Variants in DST observed in about 807,000 individuals in gnomAD.
The protein encoded by DST is bullous pemphigoid antigen.
DST carries 253 observed loss-of-function variants against 875.2 expected under a neutral mutation model. That is an observed-to-expected ratio of 0.29 (90% CI 0.26 to 0.32). DST has a LOEUF of 0.32. DST is among the 10% of genes least tolerant of loss of function. The probability of loss-of-function intolerance (pLI) is 1.00; values close to 1 mark genes in which losing one functional copy is unlikely to be tolerated. For synonymous variants in DST, 3,124 were observed against 3,197.1 expected, an observed-to-expected ratio of 0.98 and a Z score of 0.77; for missense variants, 8,287 against 9,111.6, an observed-to-expected ratio of 0.91 and a Z score of 3.68.
chr6:56,606,228 G>C lies in DST; in HGVS notation c.8400C>G (p.Asp2800Glu), dbSNP rs767954802. Residue 2800 changes from aspartate to glutamate, a missense_variant, in exon 40 of 104, where the codon GAC (aspartate) becomes GAG (glutamate). Coordinates refer to ENST00000680361, the MANE Select transcript of DST (RefSeq NM_001374736.1). Reference sequence around the variant, plus strand: ...CATCATCGTCATCCTGATCATTACTGTCATATATATAATCCCCATAACTTT... The same window carrying C: ...CATCATCGTCATCCTGATCATTACTCTCATATATATAATCCCCATAACTTT... ...SEESYGDYIY[D>E]SNDQDDDDDD... is the part of the protein sequence containing the mutation. 1.9e-6 allele frequency: 3 copies of C among 1,566,854 alleles called. No homozygotes were observed. In the African/African-American group the frequency reaches 4.1e-5, roughly 21 times the overall value.
intron 22 of DST, 101 bp downstream of exon 22, chr6:56,639,158 G>A: frequency 1.9e-6 from 2 of 1,038,068 alleles, no homozygotes; most frequent in Non-Finnish European, 2.9e-6. Flanking sequence ...TTTAATAAAA[G>A]TTAGATGGCT....
intron 3 of DST, chr6:56,871,183 C>A: frequency 1.4e-6 from 1 of 740,242 alleles, no homozygotes; most frequent in Non-Finnish European, 2.5e-6. Flanking sequence ...CTGAGGTAGT[C>A]TGTGAAAATG....
chr6:56,892,794 AAT>A (rs1191318997), intron 3 of DST, among the ~76,000 whole-genome samples: 2 of 152,174 alleles, frequency 1.3e-5, no homozygotes, highest in Non-Finnish European at 2.9e-5. Context: ...TCACTCAGTC[AAT>A]AGTATTCACT....
At position 56,893,071 on chromosome 6, in the gene DST, G is replaced by A. The variant is rs142964596; in HGVS notation, c.417+7350C>T. 6.6e-5 allele frequency among the ~76,000 whole-genome samples: 10 copies of A among 152,214 alleles called. No homozygotes were observed. The East Asian group carries it at 1.7e-3, about 26-fold the overall frequency. On this transcript the variant is annotated intron_variant, in intron 3 of 103. Transcript: ENST00000680361. ...TTTGGTTACATGAGTAAGTTCTTTA[G>A]TGGTGATTTGTGAGATTTTGGTGCA...
chr6:56,542,051 T>C lies in DST; in HGVS notation c.16609-5111A>G, dbSNP rs2097135631. On this transcript the variant is annotated intron_variant, in intron 61 of 103. Coordinates refer to ENST00000680361, the MANE Select transcript of DST (RefSeq NM_001374736.1). ...ATTTCGGCAGAGCTCTGGTTAACTG[T>C]AATCCACTTAAAGATGGCTTGCAGA... Among the ~76,000 whole-genome samples the C allele has an allele frequency of 2.0e-5, 3 of 152,338 alleles. No homozygotes were observed. The South Asian group carries it at 6.2e-4, about 32-fold the overall frequency.
chr6:56,583,858 T>C (rs144524355), intron 49 of DST, among the ~76,000 whole-genome samples: 7,218 of 152,296 alleles, frequency 0.047, 526 homozygotes, highest in African/African-American at 0.16. Context: ...TAGGGAATCC[T>C]TTCCCCATTG....
intron 2 of DST, among the ~76,000 whole-genome samples, chr6:56,937,062 C>A (rs1386811565): frequency 6.6e-6 from 1 of 151,450 alleles, no homozygotes; most frequent in Non-Finnish European, 1.5e-5. Flanking sequence ...AGAACCAAAA[C>A]TAAATTGCCT....
At chr6:56,612,404 T>A (rs999083917) in intron 37 of DST, among the ~76,000 whole-genome samples, 6 of 152,110 alleles carry the variant, frequency 3.9e-5, no homozygotes, top group Non-Finnish European at 7.4e-5. Context: ...AAAGAACAAA[T>A]AATTTCTAAT....
chr6:56,530,155 A>G (rs1040384570), intron 64 of DST, 22 bp from the exon 65 acceptor site: 1 of 1,538,620 alleles, frequency 6.5e-7, no homozygotes, highest in African/African-American at 1.4e-5. Flanking sequence ...CCAAAAGGTC[A>G]TTTAGGGATG....
chr6:56,629,512 T>C, intron 31 of DST, 69 bp from the exon 32 acceptor site: 9 of 1,150,094 alleles, frequency 7.8e-6, no homozygotes, highest in African/African-American at 1.5e-5. Context: ...ATTATTTACC[T>C]AATTTTACAA....
intron 36 of DST, chr6:56,617,450 C>A: frequency 6.5e-7 from 1 of 1,528,326 alleles, no homozygotes; most frequent in South Asian, 1.1e-5. Flanking sequence ...TGTTAAAAGT[C>A]ACCTCAAGAA....
At chr6:56,810,906 G>T (rs2099759121) in intron 4 of DST, among the ~76,000 whole-genome samples, 2 of 152,092 alleles carry the variant, frequency 1.3e-5, no homozygotes, top group African/African-American at 4.8e-5. Flanking sequence ...GGGAAGCTGG[G>T]TATGGTGACT....
At chr6:56,499,127 G>A (rs920816288) in intron 80 of DST, among the ~76,000 whole-genome samples, 9 of 152,042 alleles carry the variant, frequency 5.9e-5, no homozygotes, top group Non-Finnish European at 1.0e-4. Flanking sequence ...TCCCTCTAAT[G>A]TTGGTAAAAG....
rs116289527 is a variant in DST at position 56,707,892 on chromosome 6, G to A, written c.688-3523C>T. Among the ~76,000 whole-genome samples the A allele has an allele frequency of 2.1e-3, 319 of 152,326 alleles. 1 individual carries two copies. The highest frequency in any genetic ancestry group is 7.2e-3 in the African/African-American group (298 of 41,568). ...AAATCTAAACTAGGAAAAGATGGCC[G>A]GGTGTGGTGGCTCACGCCTGTAATC... On this transcript the variant is annotated intron_variant, in intron 5 of 103. Transcript: ENST00000680361.
At chr6:56,648,482 T>C in intron 13 of DST, 88 bp downstream of exon 13, 1 of 1,333,788 alleles carries the variant, frequency 7.5e-7, no homozygotes, top group Non-Finnish European at 9.9e-7. Flanking sequence ...CAACTTTTGT[T>C]GAACTTCTAA....
At chr6:56,634,996 T>C (rs2098812196) in intron 24 of DST, 43 bp from the exon 25 acceptor site, 3 of 1,493,786 alleles carry the variant, frequency 2.0e-6, no homozygotes, top group Admixed American at 3.4e-5. Context: ...AAAAGACTTG[T>C]ACTCTCCATG....
At chr6:56,652,349 C>A (rs144585552) in intron 10 of DST, among the ~76,000 whole-genome samples, 47 of 152,256 alleles carry the variant, frequency 3.1e-4, no homozygotes, top group African/African-American at 1.1e-3. Flanking sequence ...ACTACCGGAA[C>A]AATGTGGAAA....
chr6:56,796,108 A>C (rs1289353954), intron 4 of DST, among the ~76,000 whole-genome samples: 1 of 152,226 alleles, frequency 6.6e-6, no homozygotes, highest in Non-Finnish European at 1.5e-5. Flanking sequence ...AGAACGAAAC[A>C]GAACAGCTCA....
intron 71 of DST, among the ~76,000 whole-genome samples, chr6:56,516,083 T>C (rs981619265): frequency 1.3e-5 from 2 of 151,548 alleles, no homozygotes; most frequent in Non-Finnish European, 1.5e-5. Flanking sequence ...TATATGTGTA[T>C]ATGTGTATAT....
Sources: allele counts gnomAD v4.1 joint callset (sites outside exome capture counted in the v4.1 genomes callset), GRCh38; gene constraint gnomAD v4.1.1; transcripts MANE v1.5; gene names NCBI Gene and HGNC (gene_info 2026-07-23, HGNC 2026-07-21).